The following C1orf87 variants were observed in gnomAD, a reference collection of about 807,000 sequenced individuals.
C1orf87 encodes the protein chromosome 1 open reading frame 87.
Under a neutral mutation model 60.5 loss-of-function variants are expected in C1orf87, and 58 were observed. The ratio of observed to expected loss-of-function variants is 0.96; its 90% CI spans 0.78 to 1.19. The LOEUF is 1.19. Among genes scored for constraint, C1orf87 ranks in the 50% most tolerant of loss-of-function variants. The pLI is 0.00. For missense variants in C1orf87, 673 were observed against 638.6 expected, an observed-to-expected ratio of 1.05 and a Z score of -0.58; for synonymous variants, 236 against 227.4, an observed-to-expected ratio of 1.04 and a Z score of -0.34.
intron 11 of C1orf87, among the ~76,000 whole-genome samples, chr1:59,996,765 C>T (rs570512093): frequency 6.6e-6 from 1 of 152,284 alleles, no homozygotes; most frequent in South Asian, 2.1e-4. Context: ...TGAATGCCCA[C>T]AGAGCATACT....
intron 7 of C1orf87, 58 bp downstream of exon 7, chr1:60,033,418 C>T: frequency 1.3e-6 from 2 of 1,519,408 alleles, no homozygotes; most frequent in Non-Finnish European, 1.8e-6. Context: ...TTGCTATAGA[C>T]CCAATGCCCT....
At chr1:60,010,525 C>T (rs1042692016) in intron 8 of C1orf87, 69 bp from the exon 9 acceptor site, 3 of 1,332,448 alleles carry the variant, frequency 2.3e-6, no homozygotes. Context: ...CAGTGAAGCT[C>T]TGTTTATATT....
At chr1:60,068,260 T>C (rs1245839397) in intron 2 of C1orf87, among the ~76,000 whole-genome samples, 2 of 152,208 alleles carry the variant, frequency 1.3e-5, no homozygotes, top group African/African-American at 4.8e-5. Context: ...AAACATTTAT[T>C]CCATATAACC....
chr1:60,026,239 C>A (rs1026565300), intron 7 of C1orf87, among the ~76,000 whole-genome samples: 1 of 152,124 alleles, frequency 6.6e-6, no homozygotes, highest in Non-Finnish European at 1.5e-5. Context: ...ACCAAACAGA[C>A]CTTATCTGAG....
At chr1:60,019,715 G>C (rs892013306) in intron 8 of C1orf87, among the ~76,000 whole-genome samples, 1 of 152,180 alleles carries the variant, frequency 6.6e-6, no homozygotes, top group Non-Finnish European at 1.5e-5. Context: ...GGGAAATGGA[G>C]TAAAGGTCAC....
At chr1:60,014,040 C>A (rs1645107958) in intron 8 of C1orf87, among the ~76,000 whole-genome samples, 3 of 152,124 alleles carry the variant, frequency 2.0e-5, no homozygotes, top group Admixed American at 1.3e-4. Context: ...GATGCAAGCA[C>A]CATAGTCATA....
At position 60,000,961 on chromosome 1, in the gene C1orf87, A is replaced by T. The variant is rs1644998635; in HGVS notation, c.1272+116T>A. Reference sequence around the variant, plus strand: ...GTCTTGAAGTCAAAGACAGTCTGACATCAAGGGTTTGGGAGAAAATCAAAA... The same window carrying T: ...GTCTTGAAGTCAAAGACAGTCTGACTTCAAGGGTTTGGGAGAAAATCAAAA... On this transcript the variant is annotated intron_variant, in intron 10 of 11. Transcript: ENST00000371201. The T allele has an allele frequency of 7.3e-6, 6 of 820,844 alleles. No individual in the cohort carries two copies. In the South Asian group the frequency reaches 9.6e-5, roughly 13 times the overall value. The allele number at this position is 820,844 out of a possible 1,614,324, so 50.8% of individuals were successfully genotyped here.
At chr1:60,053,460 A>T (rs1408813831) in intron 3 of C1orf87, among the ~76,000 whole-genome samples, 1 of 152,180 alleles carries the variant, frequency 6.6e-6, no homozygotes, top group Non-Finnish European at 1.5e-5. Context: ...TAAAGAGCTC[A>T]GAATACTGCC....
intron 8 of C1orf87, among the ~76,000 whole-genome samples, chr1:60,016,461 A>G (rs1645125403): frequency 6.6e-6 from 1 of 152,198 alleles, no homozygotes; most frequent in Admixed American, 6.5e-5. Flanking sequence ...TTCATGTACT[A>G]AGTTATATTC....
intron 6 of C1orf87, among the ~76,000 whole-genome samples, chr1:60,035,464 C>A (rs755815127): frequency 6.6e-6 from 1 of 152,178 alleles, no homozygotes; most frequent in Non-Finnish European, 1.5e-5. Context: ...ACTGGCAATG[C>A]TGGAACCTTT....
intron 9 of C1orf87, among the ~76,000 whole-genome samples, chr1:60,003,776 T>C (rs1398671699): frequency 1.3e-5 from 2 of 152,086 alleles, no homozygotes; most frequent in Non-Finnish European, 2.9e-5. Context: ...CCATGTGTTC[T>C]AATACGTAGT....
chr1:60,053,806 A>T (rs973859422), intron 3 of C1orf87, among the ~76,000 whole-genome samples: 1 of 152,076 alleles, frequency 6.6e-6, no homozygotes, highest in Non-Finnish European at 1.5e-5. Flanking sequence ...AAGTAAAGAA[A>T]AAAAAGAAAA....
intron 3 of C1orf87, among the ~76,000 whole-genome samples, chr1:60,053,640 C>T (rs1014745721): frequency 2.0e-5 from 3 of 151,780 alleles, no homozygotes; most frequent in African/African-American, 7.3e-5. Flanking sequence ...GATTCTTATT[C>T]TATATCTATG....
At chr1:60,006,943 A>T (rs1355325247) in intron 9 of C1orf87, among the ~76,000 whole-genome samples, 10 of 148,942 alleles carry the variant, frequency 6.7e-5, no homozygotes, top group African/African-American at 2.2e-4. Context: ...ACAGGGTCTC[A>T]CTCTTTTGCA....
At chr1:60,039,570 A>AGTCTCAAT (rs879637442) in intron 5 of C1orf87, among the ~76,000 whole-genome samples, 16 of 152,330 alleles carry the variant, frequency 1.1e-4, no homozygotes, top group Admixed American at 5.9e-4. Context: ...ATCTTAGCTC[A>AGTCTCAAT]GTCTCAATTC....
intron 9 of C1orf87, 100 bp from the exon 10 acceptor site, chr1:60,001,256 A>G (rs1645002404): frequency 1.1e-6 from 1 of 881,562 alleles, no homozygotes; most frequent in Non-Finnish European, 1.6e-6. Context: ...CAACAAAAAA[A>G]TGGAGGCTTT....
At chr1:60,000,968 G>C (rs953485051) in intron 10 of C1orf87, 109 bp downstream of exon 10, 6 of 886,448 alleles carry the variant, frequency 6.8e-6, no homozygotes, top group Non-Finnish European at 8.8e-6. Flanking sequence ...GACATCAAGG[G>C]TTTGGGAGAA....
At chr1:60,033,728 C>A in intron 6 of C1orf87, 87 bp from the exon 7 acceptor site, 1 of 1,454,542 alleles carries the variant, frequency 6.9e-7, no homozygotes. Flanking sequence ...CTCAACTTTG[C>A]TACACACTAT....
At chr1:60,010,314 C>G in intron 9 of C1orf87, 78 bp downstream of exon 9, 2 of 1,310,044 alleles carry the variant, frequency 1.5e-6, no homozygotes, top group South Asian at 2.5e-5. Context: ...AAGCAAACCA[C>G]TCAAACTAGG....
Sources: allele counts gnomAD v4.1 joint callset (sites outside exome capture counted in the v4.1 genomes callset), GRCh38; gene constraint gnomAD v4.1.1; transcripts MANE v1.5; gene names NCBI Gene and HGNC (gene_info 2026-07-23, HGNC 2026-07-21).